Variants in VOPP1 observed in about 807,000 individuals in gnomAD.
VOPP1 encodes VOPP1 WW domain binding protein.
Under a neutral mutation model 23.5 loss-of-function variants are expected in VOPP1, and 8 were observed. The ratio of observed to expected loss-of-function variants is 0.34; its 90% CI spans 0.20 to 0.61. VOPP1 has a LOEUF of 0.61. Among genes scored for constraint, VOPP1 ranks in the 20% least tolerant of loss-of-function variants. The pLI, the probability that VOPP1 is intolerant of heterozygous loss-of-function variation, is 0.78. For missense variants in VOPP1, 174 were observed against 238.1 expected (o/e 0.73, Z 1.77); for synonymous variants, 83 against 97.3 (o/e 0.85, Z 0.86).
chr7:55,534,286 G>C (rs1796655096), intron 1 of VOPP1, among the ~76,000 whole-genome samples: 1 of 152,102 alleles, frequency 6.6e-6, no homozygotes, highest in African/African-American at 2.4e-5. Flanking sequence ...GGACTTGGCT[G>C]TCAAAAGATA....
chr7:55,457,577 AAC>A (rs958054711), intron 4 of VOPP1, among the ~76,000 whole-genome samples: 7 of 152,046 alleles, frequency 4.6e-5, no homozygotes, highest in Admixed American at 1.3e-4. Context: ...TATATCCACC[AAC>A]AGTGTGTAAG....
rs1303398621 is a variant in VOPP1, at chr7:55,470,978, T to C, written c.*1877A>G. 6.5e-6 allele frequency: 1 copy of C among 152,672 alleles called. No homozygotes were observed. Among genetic ancestry groups the C allele is most frequent in the Admixed American group, 6.5e-5 (1 of 15,282 alleles). 9.5% of individuals were successfully genotyped at this position (152,672 alleles called of 1,614,324 possible). On this transcript the variant is annotated 3_prime_UTR_variant, in exon 5 of 5. Coordinates refer to ENST00000285279, the MANE Select transcript of VOPP1 (RefSeq NM_030796.5). ...TTGAGCCCTAGCCATCACTGTCTCT[T>C]AACATAATTTGCTATCAAAAAGACA...
chr7:55,508,054 A>C (rs1794845081), intron 2 of VOPP1, among the ~76,000 whole-genome samples: 1 of 152,210 alleles, frequency 6.6e-6, no homozygotes, highest in Non-Finnish European at 1.5e-5. Flanking sequence ...TTTTACTTGT[A>C]TTTCTACCAT....
At chr7:55,445,428 G>A (rs1791078321) in intron 4 of VOPP1, among the ~76,000 whole-genome samples, 1 of 152,140 alleles carries the variant, frequency 6.6e-6, no homozygotes, top group South Asian at 2.1e-4. Context: ...ACCTGAGAAA[G>A]CTAACAATGA....
At chr7:55,508,921 A>G (rs1794899188) in intron 2 of VOPP1, among the ~76,000 whole-genome samples, 1 of 152,160 alleles carries the variant, frequency 6.6e-6, no homozygotes, top group African/African-American at 2.4e-5. Context: ...GCATATGCCT[A>G]TAGTCCTAGC....
intron 4 of VOPP1, among the ~76,000 whole-genome samples, chr7:55,445,507 GT>G (rs1445242103): frequency 3.9e-5 from 6 of 152,174 alleles, no homozygotes; most frequent in Non-Finnish European, 7.4e-5. Context: ...GGTCTGTATT[GT>G]TTTTCAATCA....
At chr7:55,534,099 T>C (rs1286664892) in intron 1 of VOPP1, among the ~76,000 whole-genome samples, 1 of 150,672 alleles carries the variant, frequency 6.6e-6, no homozygotes, top group Non-Finnish European at 1.5e-5. Flanking sequence ...TCCTGGCTTG[T>C]TAAAATCCGT....
At chr7:55,456,716 G>A (rs574794146) in intron 4 of VOPP1, among the ~76,000 whole-genome samples, 2 of 152,192 alleles carry the variant, frequency 1.3e-5, no homozygotes, top group Non-Finnish European at 2.9e-5. Flanking sequence ...ACCGAACACC[G>A]CATGTTCTCA....
intron 4 of VOPP1, among the ~76,000 whole-genome samples, chr7:55,456,845 T>C (rs1055332291): frequency 2.6e-5 from 4 of 152,176 alleles, no homozygotes; most frequent in African/African-American, 9.7e-5. Context: ...AAACACCTAA[T>C]GTAGATGATG....
At chr7:55,476,441 C>CGGGGGGGGGGGGGG (rs1481944079) in intron 4 of VOPP1, among the ~76,000 whole-genome samples, 1 of 83,208 alleles carries the variant, frequency 1.2e-5, no homozygotes, top group African/African-American at 5.1e-5. Flanking sequence ...GGGGGGTGGG[C>CGGGGGGGGGGGGGG]GGGGGGGCTG....
chr7:55,549,620 G>A (rs898188531), intron 1 of VOPP1, among the ~76,000 whole-genome samples: 3 of 152,216 alleles, frequency 2.0e-5, no homozygotes, highest in African/African-American at 7.2e-5. Flanking sequence ...ACTCTGCAGT[G>A]CGACCAGCCG....
chr7:55,511,777 T>A (rs999551322), intron 2 of VOPP1, among the ~76,000 whole-genome samples: 2 of 152,224 alleles, frequency 1.3e-5, no homozygotes, highest in African/African-American at 4.8e-5. Context: ...ACTTCTTACA[T>A]ATATTGATGA....
chr7:55,469,808 T>C (rs1369358404), downstream of VOPP1, among the ~76,000 whole-genome samples: 1 of 152,220 alleles, frequency 6.6e-6, no homozygotes, highest in Non-Finnish European at 1.5e-5. Context: ...ACTGCCCGTC[T>C]CCCAGGGATG....
chr7:55,462,686 C>T lies in VOPP1; in HGVS notation n.418-26512G>A, dbSNP rs1279953627. Among the ~76,000 whole-genome samples, 5 of 140,298 alleles carry T rather than the reference C, an allele frequency of 3.6e-5. No individual in the cohort carries two copies. The South Asian group carries it at 9.0e-4, about 25-fold the overall frequency. The allele number at this position is 140,298 out of a possible 152,430, so 92.0% of individuals were successfully genotyped here. ...TTTTTTTTTTTTTGAGACGGAGTCT[C>T]GCTCTGTTGCCCAGGCTGGAGTGCA... On this transcript the variant is annotated intron_variant and non_coding_transcript_variant, in intron 4 of 4. Transcript: ENST00000462326.
chr7:55,509,757 T>C lies in VOPP1; in HGVS notation c.113+11315A>G, dbSNP rs372250845. ...CCAAACTCCACATGCATATATGACA[T>C]TCTCTGCTCAGTCTTCTATTGAATC... On this transcript the variant is annotated intron_variant, in intron 2 of 4. Transcript: ENST00000285279. Among the ~76,000 whole-genome samples, 112 of 152,348 alleles carry C rather than the reference T, an allele frequency of 7.4e-4. 2 individuals are homozygous for C. In the South Asian group the frequency reaches 0.023, roughly 31 times the overall value.
At chr7:55,538,506 G>A in intron 1 of VOPP1, 2 of 1,040,544 alleles carry the variant, frequency 1.9e-6, no homozygotes, top group Non-Finnish European at 2.7e-6. Flanking sequence ...CACACAAAAA[G>A]AACAACCCTA....
intron 1 of VOPP1, among the ~76,000 whole-genome samples, chr7:55,534,089 T>C (rs1425870004): frequency 6.6e-6 from 1 of 150,942 alleles, no homozygotes; most frequent in African/African-American, 2.4e-5. Context: ...TGTCACTGTG[T>C]CCTGGCTTGT....
intron 1 of VOPP1, among the ~76,000 whole-genome samples, chr7:55,555,366 T>G (rs761670957): frequency 6.6e-6 from 1 of 152,168 alleles, no homozygotes; most frequent in Non-Finnish European, 1.5e-5. Flanking sequence ...TTTCCGCACA[T>G]GTGAAAGCTG....
chr7:55,538,383 CATCTT>C (rs1349859199), intron 1 of VOPP1, among the ~76,000 whole-genome samples: 2 of 152,214 alleles, frequency 1.3e-5, no homozygotes, highest in Non-Finnish European at 2.9e-5. Flanking sequence ...ATATATCCAA[CATCTT>C]ATTCAGACTT....
Sources: allele counts gnomAD v4.1 joint callset (sites outside exome capture counted in the v4.1 genomes callset), GRCh38; gene constraint gnomAD v4.1.1; transcripts MANE v1.5; gene names NCBI Gene and HGNC (gene_info 2026-07-23, HGNC 2026-07-21).